Variants in MYRIP observed in about 807,000 individuals in gnomAD.
MYRIP encodes the protein rab effector MyRIP.
A neutral mutation model predicts 98.0 loss-of-function variants in MYRIP; 49 were observed. That is an observed-to-expected ratio of 0.50 (90% confidence interval 0.40 to 0.63). The LOEUF is 0.63. Ranked by LOEUF, MYRIP falls within the 30% of genes least tolerant of loss-of-function variation. The pLI, the probability that MYRIP is intolerant of heterozygous loss-of-function variation, is 0.00. For missense variants in MYRIP, 1,004 were observed against 1,058.2 expected, an observed-to-expected ratio of 0.95 and a Z score of 0.71; for synonymous variants, 404 against 409.5, an observed-to-expected ratio of 0.99 and a Z score of 0.16.
chr3:39,998,095 C>A (rs907713104), intron 2 of MYRIP, among the ~76,000 whole-genome samples: 1 of 152,138 alleles, frequency 6.6e-6, no homozygotes, highest in Non-Finnish European at 1.5e-5. Context: ...TGGGCAAAAA[C>A]TGGAAGCATT....
chr3:40,181,658 C>T (rs1950885010), intron 8 of MYRIP, among the ~76,000 whole-genome samples: 1 of 151,672 alleles, frequency 6.6e-6, no homozygotes, highest in African/African-American at 2.4e-5. Flanking sequence ...CACAATACAA[C>T]ATATATATAT....
At chr3:40,198,289 T>C (rs1951456461) in intron 10 of MYRIP, among the ~76,000 whole-genome samples, 1 of 152,160 alleles carries the variant, frequency 6.6e-6, no homozygotes, top group Admixed American at 6.5e-5. Flanking sequence ...GCTCAACTGT[T>C]GTGTTTTTGT....
intron 2 of MYRIP, among the ~76,000 whole-genome samples, chr3:40,000,210 A>T (rs1198961701): frequency 6.6e-6 from 1 of 152,206 alleles, no homozygotes; most frequent in South Asian, 2.1e-4. Flanking sequence ...TTTAAAAAAA[A>T]AAGAACTTTT....
At chr3:40,204,198 T>TATATA in intron 10 of MYRIP, among the ~76,000 whole-genome samples, 1 of 34,558 alleles carries the variant, frequency 2.9e-5, no homozygotes, top group Admixed American at 6.5e-4. Context: ...ATAAATATTA[T>TATATA]ATTATATATT....
rs538670357 is a variant in MYRIP, at chr3:40,146,061, C to T, written c.333-4987C>T. ...CTATTCAAGAGGGGAAATAGATAAA[C>T]AAATTAATAATTGTCAATATGTTGA... On this transcript the variant is annotated intron_variant, in intron 3 of 16. Transcript: ENST00000302541. 1.1e-3 allele frequency among the ~76,000 whole-genome samples: 162 copies of T among 151,998 alleles called. 1 individual carries two copies. The highest frequency in any genetic ancestry group is 3.7e-3 in the African/African-American group (152 of 41,368).
intron 12 of MYRIP, among the ~76,000 whole-genome samples, chr3:40,235,773 G>A (rs987130510): frequency 6.6e-5 from 10 of 152,138 alleles, no homozygotes; most frequent in Non-Finnish European, 2.9e-5. Flanking sequence ...TCAGAGTCAG[G>A]GTCACAGGGA....
At chr3:39,875,768 G>A (rs1170593093) in intron 1 of MYRIP, among the ~76,000 whole-genome samples, 29 of 151,430 alleles carry the variant, frequency 1.9e-4, no homozygotes, top group African/African-American at 6.3e-4. Context: ...CAACTATGTG[G>A]TCAATTTTGG....
At chr3:39,978,525 T>C (rs1945809394) in intron 2 of MYRIP, among the ~76,000 whole-genome samples, 1 of 152,220 alleles carries the variant, frequency 6.6e-6, no homozygotes, top group Non-Finnish European at 1.5e-5. Flanking sequence ...CTCTCTCACA[T>C]TGTAAAAATA....
At chr3:40,193,054 T>C (rs1951286540) in intron 10 of MYRIP, among the ~76,000 whole-genome samples, 1 of 152,176 alleles carries the variant, frequency 6.6e-6, no homozygotes, top group African/African-American at 2.4e-5. Context: ...CCGGGAACTT[T>C]TTGAAACAAT....
chr3:40,021,587 T>A (rs527408517), intron 2 of MYRIP, among the ~76,000 whole-genome samples: 3 of 152,318 alleles, frequency 2.0e-5, no homozygotes, highest in Admixed American at 1.3e-4. Context: ...TTCATTTCTC[T>A]TGGGAGATAG....
chr3:40,189,192 A>G (rs1951126620), intron 9 of MYRIP, among the ~76,000 whole-genome samples: 1 of 152,180 alleles, frequency 6.6e-6, no homozygotes, highest in South Asian at 2.1e-4. Flanking sequence ...CAGTTACTTA[A>G]CTTCGCTCAT....
intron 11 of MYRIP, among the ~76,000 whole-genome samples, chr3:40,231,510 T>A (rs1952658592): frequency 6.6e-6 from 1 of 152,194 alleles, no homozygotes; most frequent in Admixed American, 6.5e-5. Flanking sequence ...ATGGGTAATA[T>A]TTGCCTTTGA....
intron 3 of MYRIP, among the ~76,000 whole-genome samples, chr3:40,064,958 T>C (rs556803908): frequency 6.6e-6 from 1 of 152,310 alleles, no homozygotes; most frequent in South Asian, 2.1e-4. Context: ...ACTTCCACGT[T>C]CCCTACAGAT....
intron 3 of MYRIP, among the ~76,000 whole-genome samples, chr3:40,070,056 T>A (rs1453917866): frequency 1.3e-5 from 2 of 152,162 alleles, no homozygotes; most frequent in Non-Finnish European, 2.9e-5. Flanking sequence ...TAAGTATAAT[T>A]CAAAAATGCA....
intron 2 of MYRIP, among the ~76,000 whole-genome samples, chr3:39,986,449 TCTCTCC>T (rs1052142559): frequency 6.8e-5 from 9 of 132,696 alleles, no homozygotes; most frequent in South Asian, 5.5e-4. Flanking sequence ...TCTCCCTCTC[TCTCTCC>T]CTCTCTCTCT....
At chr3:39,852,208 T>C (rs529943811) in intron 1 of MYRIP, among the ~76,000 whole-genome samples, 11 of 152,228 alleles carry the variant, frequency 7.2e-5, no homozygotes, top group African/African-American at 2.6e-4. Context: ...CCCTTCCCAA[T>C]TGTGGAGCCC....
chr3:40,086,851 C>T (rs1327756250), intron 3 of MYRIP, among the ~76,000 whole-genome samples: 1 of 151,830 alleles, frequency 6.6e-6, no homozygotes, highest in Non-Finnish European at 1.5e-5. Flanking sequence ...CAGCCATGGC[C>T]CCCCACATTC....
intron 3 of MYRIP, among the ~76,000 whole-genome samples, chr3:40,126,137 A>G (rs1012560139): frequency 6.6e-6 from 1 of 152,098 alleles, no homozygotes; most frequent in Non-Finnish European, 1.5e-5. Context: ...TGCCCAACCT[A>G]TCTCAAACTC....
rs138767435 is a variant in MYRIP, at chr3:40,102,806, C to G, written c.333-48242C>G. Among the ~76,000 whole-genome samples, 110 of 151,854 alleles carry G rather than the reference C, an allele frequency of 7.2e-4. 1 individual carries two copies. The highest frequency in any genetic ancestry group is 2.5e-3 in the African/African-American group (104 of 41,382). ...CAATGGATTGCAAACTTATTTTGAC[C>G]CACATTAAGAAGTTCTATTTACTCT... On this transcript the variant is annotated intron_variant, in intron 3 of 16. Transcript: ENST00000302541.
Sources: allele counts gnomAD v4.1 joint callset (sites outside exome capture counted in the v4.1 genomes callset), GRCh38; gene constraint gnomAD v4.1.1; transcripts MANE v1.5; gene names NCBI Gene and HGNC (gene_info 2026-07-23, HGNC 2026-07-21).